Variants in GAA observed in about 807,000 individuals in gnomAD.
The protein encoded by GAA is alpha glucosidase.
Under a neutral mutation model 103.9 loss-of-function variants are expected in GAA, and 88 were observed. The ratio of observed to expected loss-of-function variants is 0.85; its 90% confidence interval spans 0.71 to 1.01. GAA has a LOEUF of 1.01. Among genes scored for constraint, GAA ranks in the 50% least tolerant of loss-of-function variants. The probability of loss-of-function intolerance (pLI) is 0.00; values close to 1 mark genes in which losing one functional copy is unlikely to be tolerated. For synonymous variants in GAA, 572 were observed against 563.1 expected, an observed-to-expected ratio of 1.02 and a Z score of -0.22; for missense variants, 1,350 against 1,305.3, an observed-to-expected ratio of 1.03 and a Z score of -0.53.
chr17:80,105,196 C>T (rs963043721), intron 2 of GAA, 64 bp downstream of exon 2: 14 of 1,465,964 alleles, frequency 9.6e-6, no homozygotes, highest in African/African-American at 4.1e-5. Context: ...TCGACACCCA[C>T]GCACCTCACA....
rs1598581197 is a variant in GAA at position 80,110,618 on chromosome 17, C to T, written c.1438-109C>T. On this transcript the variant is annotated intron_variant, in intron 9 of 19. Coordinates refer to ENST00000302262, the MANE Select transcript of GAA (RefSeq NM_000152.5). The stretch of plus-strand genomic sequence containing the variant: ...GGTCTCTCAGATTTGCAAATGTGGG[C>T]GTCCACTAAGAGTGAGGCTGCCCCT... 9.2e-6 allele frequency: 8 copies of T among 869,164 alleles called. No homozygotes were observed. The East Asian group carries it at 1.8e-4, about 20-fold the overall frequency. 53.8% of individuals were successfully genotyped at this position (869,164 alleles called of 1,614,324 possible). A position where few individuals can be genotyped will look rare whatever the true frequency, so the allele number is the denominator to read the frequency against.
At position 80,117,082 on chromosome 17, in the gene GAA, C is replaced by G; in HGVS notation, c.2304C>G (p.Pro768=). ...AGGCCGAAGTGACTGGCTACTTCCC[C>G]TTGGGCACATGGTACGACCTGCAGA... ...AGKAEVTGYF[P]LGTWYDLQTV... is the part of the protein sequence containing the mutation. The change falls in exon 16 of 20, where the codon CCC becomes CCG. Residue 768 remains proline (P), a synonymous_variant. Coordinates refer to ENST00000302262, the MANE Select transcript of GAA (RefSeq NM_000152.5). 2 of 1,613,242 alleles carry G rather than the reference C, an allele frequency of 1.2e-6. No homozygotes were observed. The highest frequency in any genetic ancestry group is 1.7e-6 in the Non-Finnish European group (2 of 1,180,016).
intron 12 of GAA, 160 bp downstream of exon 12, chr17:80,112,260 G>A (rs1005367922): frequency 2.7e-6 from 2 of 739,518 alleles, no homozygotes; most frequent in Non-Finnish European, 2.3e-6. Context: ...CTGCACCCCA[G>A]CCTGAAGCTG....
At chr17:80,105,565 G>C (rs889753251) in intron 2 of GAA, among the ~76,000 whole-genome samples, 184 bp from the exon 3 acceptor site, 1 of 152,170 alleles carries the variant, frequency 6.6e-6, no homozygotes, top group African/African-American at 2.4e-5. Context: ...TCCATCCTGG[G>C]GGAGGCGTCC....
chr17:80,104,429 G>A lies in GAA; in HGVS notation c.-32-126G>A. ...AGACAGCAGGGCAACACCCACCCTG[G>A]CCACCTTACCCCACCTGCCTGGGTG... On this transcript the variant is annotated intron_variant, in intron 1 of 19. Coordinates refer to ENST00000302262, the MANE Select transcript of GAA (RefSeq NM_000152.5). This position sits in a 1 kb window ranked among gnomAD's most constrained non-coding sequence, Gnocchi z 4.0. 1.5e-6 allele frequency: 1 copy of A among 672,468 alleles called. No homozygotes were observed. 41.7% of individuals were successfully genotyped at this position (672,468 alleles called of 1,614,324 possible).
chr17:80,110,938 C>G lies in GAA; in HGVS notation c.1552-3C>G, dbSNP rs375470378. The stretch of plus-strand genomic sequence containing the variant: ...TCACCTACCAGCAGCGCTTCTCTTG[C>G]AGGACATGAACGAGCCTTCCAACTT... On this transcript the variant is annotated splice_region_variant and splice_polypyrimidine_tract_variant and intron_variant, in intron 10 of 19. Transcript: ENST00000302262. 1.0e-4 allele frequency: 164 copies of G among 1,613,840 alleles called. No individual in the cohort carries two copies. The highest frequency in any genetic ancestry group is 1.3e-4 in the Non-Finnish European group (150 of 1,179,972).
Position 80,117,106 on chromosome 17 carries a change from G to T in GAA, c.2328G>T (p.Gln776His). 1 of 1,612,620 alleles carries T rather than the reference G, an allele frequency of 6.2e-7. No homozygotes were observed. ...CCTTGGGCACATGGTACGACCTGCA[G>T]ACGGTGAGTCTGGGGACCCTAAGCC... ...YFPLGTWYDL[Q>H]TVPVEALGSL... is the part of the protein sequence containing the mutation. Residue 776 changes from glutamine (Q) to histidine (H), a missense_variant, in exon 16 of 20, where the codon CAG (glutamine) becomes CAT (histidine). Coordinates refer to ENST00000302262, the MANE Select transcript of GAA (RefSeq NM_000152.5).
chr17:80,112,892 C>T lies in GAA; in HGVS notation c.1905C>T (p.Asn635=), dbSNP rs1414146587. 6.2e-7 allele frequency: 1 copy of T among 1,609,912 alleles called. No individual in the cohort carries two copies. Among genetic ancestry groups the T allele is most frequent in the Non-Finnish European group, 8.5e-7 (1 of 1,178,496 alleles). Residue 635 remains asparagine (N), a synonymous_variant, in exon 14 of 20, where the codon AAC becomes AAT. Coordinates refer to ENST00000302262, the MANE Select transcript of GAA (RefSeq NM_000152.5). Reference sequence around the variant, plus strand: ...CCCTCCCAGAAATCCTGCAGTTTAACCTGCTGGGGGTGCCTCTGGTCGGGG... The same window carrying T: ...CCCTCCCAGAAATCCTGCAGTTTAATCTGCTGGGGGTGCCTCTGGTCGGGG... ...ASSVPEILQF[N]LLGVPLVGAD... is the part of the protein sequence containing the mutation.
intron 15 of GAA, among the ~76,000 whole-genome samples, chr17:80,116,458 C>T (rs1484919294): frequency 6.6e-6 from 1 of 152,240 alleles, no homozygotes; most frequent in Non-Finnish European, 1.5e-5. Flanking sequence ...CAGGACAGGG[C>T]AGAGCTGCGT....
chr17:80,118,280 C>A lies in GAA; in HGVS notation c.2569C>A (p.Leu857Met), dbSNP rs1297558792. The A allele has an allele frequency of 6.2e-7, 1 of 1,606,706 alleles. No homozygotes were observed. The highest frequency in any genetic ancestry group is 1.3e-5 in the African/African-American group (1 of 74,890). Reference sequence around the variant, plus strand: ...CAAGGGTGGGGAGGCCCGAGGGGAGCTGTTCTGGGACGATGGAGAGAGCCT... The same window carrying A: ...CAAGGGTGGGGAGGCCCGAGGGGAGATGTTCTGGGACGATGGAGAGAGCCT... ...LTKGGEARGE[L>M]FWDDGESLEV... Residue 857 changes from leucine (L) to methionine (M), a missense_variant, in exon 18 of 20, where the codon CTG becomes ATG. Coordinates refer to ENST00000302262, the MANE Select transcript of GAA (RefSeq NM_000152.5).
In GAA at chr17:80,105,855, T is replaced by C. The variant is rs773085006; in HGVS notation, c.653T>C (p.Phe218Ser). 3 of 1,605,876 alleles carry C rather than the reference T, an allele frequency of 1.9e-6. No individual in the cohort carries two copies. Among genetic ancestry groups the C allele is most frequent in the South Asian group, 2.2e-5 (2 of 91,058 alleles). ...AGCGTGGAGTTCTCCGAGGAGCCCT[T>C]CGGGGTGATCGTGCGCCGGCAGCTG... Reference protein sequence around the residue: ...LYSVEFSEEPFGVIVRRQLDG... With the variant: ...LYSVEFSEEPSGVIVRRQLDG... The change falls in exon 3 of 20, where the codon TTC becomes TCC. Residue 218 changes from phenylalanine to serine, a missense_variant. By Grantham distance (155) the Phe-to-Ser change is radical. Transcript: ENST00000302262.
intron 1 of GAA, chr17:80,102,284 C>A (rs1339407305): frequency 6.6e-6 from 1 of 152,212 alleles, no homozygotes; most frequent in East Asian, 1.9e-4. Flanking sequence ...ATCACAAAGA[C>A]CCCCTTAGGC....
Position 80,116,960 on chromosome 17 carries a change from C to T in GAA, c.2190-8C>T. On this transcript the variant is annotated splice_region_variant and splice_polypyrimidine_tract_variant and intron_variant, in intron 15 of 19. Transcript: ENST00000302262. ...ACCCGTATGCCTGTGTGCCCATCCC[C>T]CTTGCAGGTTCCCCAAGGACTCTAG... The T allele has an allele frequency of 6.2e-7, 1 of 1,613,696 alleles. No homozygotes were observed.
intron 17 of GAA, 85 bp from the exon 18 acceptor site, chr17:80,118,108 G>A (rs1161553075): frequency 2.7e-6 from 4 of 1,488,680 alleles, no homozygotes; most frequent in Non-Finnish European, 3.7e-6. Context: ...GCCTGGTGCT[G>A]TACCAGCCTA....
intron 15 of GAA, among the ~76,000 whole-genome samples, chr17:80,116,037 T>C (rs1166568949): frequency 6.6e-6 from 1 of 152,254 alleles, no homozygotes; most frequent in Non-Finnish European, 1.5e-5. Flanking sequence ...ATGTCAACTC[T>C]GACCATTTTT....
rs2038993322 is a variant in GAA at position 80,103,143 on chromosome 17, G to A, written c.-33+1253G>A. The stretch of plus-strand genomic sequence containing the variant: ...ATGACATGACAGGTCAGACTCCCTC[G>A]GGCCCTGAGTTCACTTCTTCCTGGT... On this transcript the variant is annotated intron_variant, in intron 1 of 19. Coordinates refer to ENST00000302262, the MANE Select transcript of GAA (RefSeq NM_000152.5). Among the ~76,000 whole-genome samples the A allele has an allele frequency of 2.6e-5, 4 of 152,286 alleles. No individual in the cohort carries two copies. In the South Asian group the frequency reaches 6.2e-4, roughly 24 times the overall value.
intron 3 of GAA, among the ~76,000 whole-genome samples, chr17:80,106,869 C>T (rs974030500): frequency 4.6e-5 from 7 of 152,212 alleles, no homozygotes; most frequent in African/African-American, 1.7e-4. Context: ...TTGCAGTGAA[C>T]CATGATTTTG....
At position 80,111,845 on chromosome 17, in the gene GAA, C is replaced by T. The variant is rs185604303; in HGVS notation, c.1637-138C>T. 1.3e-3 allele frequency: 876 copies of T among 674,218 alleles called. 6 individuals carry two copies. In the African/African-American group the frequency reaches 0.014, roughly 11 times the overall value. 41.8% of individuals were successfully genotyped at this position (674,218 alleles called of 1,614,324 possible). On this transcript the variant is annotated intron_variant, in intron 11 of 19. Transcript: ENST00000302262. ...GCCAGCCCCACAGAGGCGTGGGGAG[C>T]GGCTGCAGGTGCACCTCCAGGGCCA...
intron 8 of GAA, among the ~76,000 whole-genome samples, chr17:80,109,708 AGGT>A (rs2039183540): frequency 5.1e-5 from 1 of 19,746 alleles, no homozygotes; most frequent in African/African-American, 1.1e-4. Context: ...TTTAAAGAAA[AGGT>A]AAAGGTAAAG....
Sources: allele counts gnomAD v4.1 joint callset (sites outside exome capture counted in the v4.1 genomes callset), GRCh38; gene constraint gnomAD v4.1.1; non-coding constraint Gnocchi (gnomAD v3.1); transcripts MANE v1.5; gene names NCBI Gene and HGNC (gene_info 2026-07-23, HGNC 2026-07-21).